SV2B: variants seen among roughly 807,000 people sequenced by gnomAD.
SV2B encodes the protein solute carrier family 22 member B2.
A neutral mutation model predicts 73.9 loss-of-function variants in SV2B; 41 were observed. The observed-to-expected ratio is 0.56, with a 90% CI of 0.43 to 0.72. The LOEUF is 0.72. Among genes scored for constraint, SV2B ranks in the 30% least tolerant of loss-of-function variants. The pLI is 0.00. For synonymous variants in SV2B, 314 were observed against 314.2 expected (o/e 1.00, Z 0.01); for missense variants, 764 against 857.8 (o/e 0.89, Z 1.37).
At chr15:91,119,345 A>C (rs936557166) in intron 1 of SV2B, among the ~76,000 whole-genome samples, 2 of 152,206 alleles carry the variant, frequency 1.3e-5, no homozygotes, top group Non-Finnish European at 2.9e-5. Context: ...ACGGCCAGCA[A>C]TTCATTTGTT....
chr15:91,265,575 G>T lies in SV2B; in HGVS notation c.1009-1007G>T, dbSNP rs2048070321. 6.6e-6 allele frequency among the ~76,000 whole-genome samples: 1 copy of T among 152,178 alleles called. No homozygotes were observed. Among genetic ancestry groups the T allele is most frequent in the African/African-American group, 2.4e-5 (1 of 41,440 alleles). On this transcript the variant is annotated intron_variant, in intron 6 of 12. Transcript: ENST00000394232. This position sits in a 1 kb window ranked among gnomAD's most constrained non-coding sequence, Gnocchi z 4.2. ...TCCTGAGTTGATGTTAACTTCCCCT[G>T]TAGCCTCCTTTATCTGTAGCTGGGG...
At position 91,200,890 on chromosome 15, in the gene SV2B, G is replaced by A. The variant is rs547685377; in HGVS notation, c.-391-24983G>A. Among the ~76,000 whole-genome samples, 164 of 152,298 alleles carry A rather than the reference G, an allele frequency of 1.1e-3. 1 individual carries two copies. The highest frequency in any genetic ancestry group is 1.9e-3 in the Non-Finnish European group (131 of 68,020). On this transcript the variant is annotated intron_variant, in intron 1 of 12. Transcript: ENST00000394232. ...CGTGCCTCTGCACTCCAGCCTCGGT[G>A]ATGGAGAACCTGTCTCTGAAAAAAG...
chr15:91,237,761 A>ATCCCCACATGGCT (rs1432628256), intron 2 of SV2B, among the ~76,000 whole-genome samples: 1 of 152,030 alleles, frequency 6.6e-6, no homozygotes, highest in Non-Finnish European at 1.5e-5. Flanking sequence ...AGTAGGAACG[A>ATCCCCACATGGCT]TCCCCACATG....
intron 1 of SV2B, among the ~76,000 whole-genome samples, chr15:91,154,808 T>C (rs1367973242): frequency 6.6e-6 from 1 of 152,168 alleles, no homozygotes; most frequent in African/African-American, 2.4e-5. Flanking sequence ...ATGGCCCTGC[T>C]GACATCTTGA....
chr15:91,133,297 A>AAACG (rs2042713318), intron 1 of SV2B, among the ~76,000 whole-genome samples: 1 of 151,920 alleles, frequency 6.6e-6, no homozygotes, highest in African/African-American at 2.4e-5. Flanking sequence ...GGTTTTGATG[A>AAACG]AACAAACAAA....
chr15:91,158,680 T>TTCCCTTCCCTTCCCTTCC lies in SV2B; in HGVS notation c.-392+58317_-392+58318insTCCCTTCCCTTCCCTTCC, dbSNP rs2043584933. Among the ~76,000 whole-genome samples the TTCCCTTCCCTTCCCTTCC allele has an allele frequency of 6.5e-5, 4 of 61,230 alleles. 1 individual carries two copies. Among genetic ancestry groups the TTCCCTTCCCTTCCCTTCC allele is most frequent in the African/African-American group, 2.6e-4 (4 of 15,278 alleles). 40.2% of individuals were successfully genotyped at this position (61,230 alleles called of 152,430 possible). A position where few individuals can be genotyped will look rare whatever the true frequency, so the allele number is the denominator to read the frequency against. Reference sequence around the variant, plus strand: ...TCTTCTCTTCTCTTCTCTTCTCTTCTCTTCTCTTCTCTTCTCTTCTCTCCT... The same window carrying TTCCCTTCCCTTCCCTTCC: ...TCTTCTCTTCTCTTCTCTTCTCTTCTTCCCTTCCCTTCCCTTCCCTTCTCTTCTCTTCTCTTCTCTCCT... On this transcript the variant is annotated intron_variant, in intron 1 of 12. Transcript: ENST00000394232.
Position 91,231,384 on chromosome 15 carries a change from A to G in SV2B, c.451+4670A>G, listed in dbSNP as rs568427243. On this transcript the variant is annotated intron_variant, in intron 2 of 12. Transcript: ENST00000394232. The surrounding 1 kb of genome is among the most constrained non-coding windows in gnomAD (Gnocchi z 4.5). ...GTACTGAGAGTGCTTCTAGAGGAGC[A>G]GAATTTTGAGGATGAGTTTTCTGAA... is the stretch of plus-strand genomic sequence containing the variant. Among the ~76,000 whole-genome samples, 3 of 152,264 alleles carry G rather than the reference A, an allele frequency of 2.0e-5. No homozygotes were observed. Among genetic ancestry groups the G allele is most frequent in the South Asian group, 4.2e-4 (2 of 4,818 alleles).
At position 91,105,053 on chromosome 15, in the gene SV2B, C is replaced by T. The variant is rs895958843; in HGVS notation, c.-392+4690C>T. 2.6e-5 allele frequency among the ~76,000 whole-genome samples: 4 copies of T among 152,168 alleles called. No homozygotes were observed. Among genetic ancestry groups the T allele is most frequent in the African/African-American group, 9.7e-5 (4 of 41,434 alleles). ...TTTCTGTGTTTCTGTGGTTGACCAT[C>T]TAGAGATGTATGTATCTTTAGATAA... On this transcript the variant is annotated intron_variant, in intron 1 of 12. Transcript: ENST00000394232. The surrounding 1 kb of genome is among the most constrained non-coding windows in gnomAD (Gnocchi z 5.5).
At position 91,115,621 on chromosome 15, in the gene SV2B, C is replaced by T. The variant is rs759757237; in HGVS notation, c.-392+15258C>T. Reference sequence around the variant, plus strand: ...TGAACTCCTGAACTCAAGCGATCCACCCGCCTCGACCTCTCAAAGTGCTGG... The same window carrying T: ...TGAACTCCTGAACTCAAGCGATCCATCCGCCTCGACCTCTCAAAGTGCTGG... On this transcript the variant is annotated intron_variant, in intron 1 of 12. Transcript: ENST00000394232. This position sits in a 1 kb window ranked among gnomAD's most constrained non-coding sequence, Gnocchi z 4.3. Among the ~76,000 whole-genome samples, 47 of 152,162 alleles carry T rather than the reference C, an allele frequency of 3.1e-4. No individual in the cohort carries two copies. The highest frequency in any genetic ancestry group is 6.2e-4 in the South Asian group (3 of 4,812).
intron 1 of SV2B, among the ~76,000 whole-genome samples, chr15:91,192,791 A>G (rs144079718): frequency 6.6e-4 from 101 of 152,300 alleles, no homozygotes; most frequent in Middle Eastern, 3.4e-3. Flanking sequence ...GACTTTCAGT[A>G]ACTTCTTTTT....
At chr15:91,148,445 T>G (rs920442266) in intron 1 of SV2B, among the ~76,000 whole-genome samples, 1 of 152,102 alleles carries the variant, frequency 6.6e-6, no homozygotes, top group African/African-American at 2.4e-5. Context: ...TGAGAAGCGA[T>G]GAGGCGTGCT....
At chr15:91,221,448 G>GA (rs1002261831) in intron 1 of SV2B, among the ~76,000 whole-genome samples, 2 of 152,066 alleles carry the variant, frequency 1.3e-5, no homozygotes, top group African/African-American at 2.4e-5. Context: ...GGATCAGCCT[G>GA]AAAAAATATT....
In SV2B at chr15:91,289,387, T is replaced by C; in HGVS notation, c.1709-134T>C. 8.9e-7 allele frequency: 1 copy of C among 1,123,068 alleles called. No homozygotes were observed. Among genetic ancestry groups the C allele is most frequent in the Non-Finnish European group, 1.3e-6 (1 of 749,532 alleles). 69.6% of individuals were successfully genotyped at this position (1,123,068 alleles called of 1,614,324 possible). A position where few individuals can be genotyped will look rare whatever the true frequency, so the allele number is the denominator to read the frequency against. ...AGCTGTGCTCTCTCTGTGTGGAGGG[T>C]GAACCTAATACTTCAGGCAGCCTTG... is the stretch of plus-strand genomic sequence containing the variant. On this transcript the variant is annotated intron_variant, in intron 11 of 12. Coordinates refer to ENST00000394232, the MANE Select transcript of SV2B (RefSeq NM_001323032.3). The surrounding 1 kb of genome is among the most constrained non-coding windows in gnomAD (Gnocchi z 4.9).
chr15:91,127,293 G>A (rs1400557404), intron 1 of SV2B, among the ~76,000 whole-genome samples: 2 of 152,298 alleles, frequency 1.3e-5, no homozygotes, highest in East Asian at 3.9e-4. Context: ...ACAAGGTGGG[G>A]AGAGTGGGAG....
intron 1 of SV2B, among the ~76,000 whole-genome samples, chr15:91,178,700 C>T (rs1265576676): frequency 1.3e-5 from 2 of 151,328 alleles, no homozygotes; most frequent in African/African-American, 2.4e-5. Context: ...GTAGTATTCT[C>T]TGGTGGTAGT....
At chr15:91,175,233 G>A (rs890420269) in intron 1 of SV2B, among the ~76,000 whole-genome samples, 10 of 151,742 alleles carry the variant, frequency 6.6e-5, no homozygotes, top group Admixed American at 5.3e-4. Flanking sequence ...TGTTTTAAGG[G>A]AAAGTAAAGA....
intron 4 of SV2B, among the ~76,000 whole-genome samples, chr15:91,256,943 T>A (rs1470586753): frequency 6.6e-6 from 1 of 152,216 alleles, no homozygotes; most frequent in African/African-American, 2.4e-5. Context: ...TGGTCATATG[T>A]TATATTTCTA....
At chr15:91,235,898 TAG>T (rs914735798) in intron 2 of SV2B, among the ~76,000 whole-genome samples, 1 of 152,044 alleles carries the variant, frequency 6.6e-6, no homozygotes, top group Non-Finnish European at 1.5e-5. Flanking sequence ...GATGCAGAGA[TAG>T]AGAGGGGGAG....
intron 1 of SV2B, among the ~76,000 whole-genome samples, chr15:91,163,660 A>C (rs2043807323): frequency 6.6e-6 from 1 of 152,226 alleles, no homozygotes; most frequent in African/African-American, 2.4e-5. Flanking sequence ...GATTCTGGAC[A>C]TTAGCCCTTG....
Sources: allele counts gnomAD v4.1 joint callset (sites outside exome capture counted in the v4.1 genomes callset), GRCh38; gene constraint gnomAD v4.1.1; non-coding constraint Gnocchi (gnomAD v3.1); transcripts MANE v1.5; gene names NCBI Gene and HGNC (gene_info 2026-07-23, HGNC 2026-07-21).